Variants in RBM27 observed in about 807,000 individuals in gnomAD.
The protein encoded by RBM27 is RNA binding motif protein 27.
In RBM27, 22 loss-of-function variants were observed where a neutral mutation model predicts 135.3. That is an observed-to-expected ratio of 0.16 (90% CI 0.12 to 0.23). The LOEUF (loss-of-function observed/expected upper bound fraction) is 0.23, where lower values mean the gene tolerates loss of function less well. Among genes scored for constraint, RBM27 ranks in the 10% least tolerant of loss-of-function variants. The pLI, the probability that RBM27 is intolerant of heterozygous loss-of-function variation, is 1.00. For missense variants in RBM27, 1,009 were observed against 1,281.0 expected (o/e 0.79, Z 3.24); for synonymous variants, 481 against 442.4 (o/e 1.09, Z -1.10).
chr5:146,237,393 C>T lies in RBM27; in HGVS notation c.1240C>T (p.Pro414Ser). The T allele has an allele frequency of 1.2e-6, 2 of 1,614,062 alleles. No homozygotes were observed. The highest frequency in any genetic ancestry group is 2.2e-5 in the East Asian group (1 of 44,878). ...NLASVGTRLP[P>S]PLPQNLLYTV... ...TGCATCAGTGGGAACAAGACTACCT[C>T]CTCCTTTACCCCAGAACCTCCTTTA... The change falls in exon 8 of 21, where the codon CCT (proline) becomes TCT (serine). Residue 414 changes from proline (P) to serine (S), a missense_variant. Coordinates refer to ENST00000265271, the MANE Select transcript of RBM27 (RefSeq NM_018989.2).
Position 146,230,661 on chromosome 5 carries a change from C to T in RBM27, c.594C>T (p.His198=), listed in dbSNP as rs1042287783. ...KDRDPNRNVE[H]RERSKFKSER... ...TTTAATTTTGTCTCCAAGTAGAGCA[C>T]AGGGAAAGATCGAAGTTTAAGAGTG... The change falls in exon 6 of 21, where the codon CAC becomes CAT. Residue 198 remains histidine, a synonymous_variant. Transcript: ENST00000265271. 6.2e-7 allele frequency: 1 copy of T among 1,613,880 alleles called. No homozygotes were observed. Among genetic ancestry groups the T allele is most frequent in the Non-Finnish European group, 8.5e-7 (1 of 1,179,844 alleles).
intron 19 of RBM27, among the ~76,000 whole-genome samples, chr5:146,279,904 C>A (rs1391104576): frequency 2.0e-5 from 3 of 151,324 alleles, no homozygotes; most frequent in African/African-American, 7.3e-5. Flanking sequence ...TCTTAGGTAT[C>A]TTTATAGAAA....
Position 146,203,701 on chromosome 5 carries a change from C to T in RBM27, c.-65C>T, listed in dbSNP as rs898984146. The T allele has an allele frequency of 2.3e-5, 33 of 1,426,428 alleles. No homozygotes were observed. Among genetic ancestry groups the T allele is most frequent in the Non-Finnish European group, 4.8e-6 (5 of 1,035,444 alleles). 88.4% of individuals were successfully genotyped at this position (1,426,428 alleles called of 1,614,324 possible). A position where few individuals can be genotyped will look rare whatever the true frequency, so the allele number is the denominator to read the frequency against. On this transcript the variant is annotated 5_prime_UTR_variant, in exon 1 of 21. Transcript: ENST00000265271. ...GAGCTGTGAAGGGAACGTGAGGGGG[C>T]GGCGTAGTGGAGACCCACGGCAGGC... is the stretch of plus-strand genomic sequence containing the variant.
intron 8 of RBM27, among the ~76,000 whole-genome samples, chr5:146,244,860 A>G (rs1757554244): frequency 6.6e-6 from 1 of 151,310 alleles, no homozygotes; most frequent in Non-Finnish European, 1.5e-5. Flanking sequence ...TTTTAAAAAC[A>G]TTTATTTATT....
intron 1 of RBM27, 74 bp from the exon 2 acceptor site, chr5:146,218,911 G>A: frequency 1.1e-6 from 1 of 873,874 alleles, no homozygotes; most frequent in Non-Finnish European, 1.7e-6. Flanking sequence ...CAAAATAAGG[G>A]TGACTTCATT....
At position 146,262,883 on chromosome 5, in the gene RBM27, T is replaced by C. The variant is rs182820812; in HGVS notation, c.2191-608T>C. ...AGACCCCCTAATTCTTTTCTTCTTC[T>C]TTTTTCCTTTTTTTTTTTTTTTGAG... On this transcript the variant is annotated intron_variant, in intron 13 of 20. Transcript: ENST00000265271. Among the ~76,000 whole-genome samples, 72 of 151,612 alleles carry C rather than the reference T, an allele frequency of 4.7e-4. No homozygotes were observed. In the East Asian group the frequency reaches 0.013, roughly 26 times the overall value.
chr5:146,282,475 G>T (rs1344945794), intron 19 of RBM27, among the ~76,000 whole-genome samples: 3 of 152,026 alleles, frequency 2.0e-5, no homozygotes, highest in East Asian at 1.9e-4. Flanking sequence ...ACCTATTTTG[G>T]ATCAAAAATA....
chr5:146,207,626 A>G (rs1026176551), intron 1 of RBM27, among the ~76,000 whole-genome samples: 1 of 150,790 alleles, frequency 6.6e-6, no homozygotes. Context: ...TCTTGTCCCT[A>G]GTGAAACATA....
At position 146,286,082 on chromosome 5, in the gene RBM27, TTTAAAAA is replaced by T. The variant is rs1460778491; in HGVS notation, c.*56_*62del. ...AGGAATATTGTTTAGAAGAACAACT[TTTAAAAA>T]TTATTTAAAAGAAGTCAATGAGCCA... is the stretch of plus-strand genomic sequence containing the variant. On this transcript the variant is annotated 3_prime_UTR_variant, in exon 21 of 21. Transcript: ENST00000265271. The T allele has an allele frequency of 6.6e-7, 1 of 1,504,836 alleles. No individual in the cohort carries two copies. The highest frequency in any genetic ancestry group is 9.0e-7 in the Non-Finnish European group (1 of 1,113,944). 93.2% of individuals were successfully genotyped at this position (1,504,836 alleles called of 1,614,324 possible). A position where few individuals can be genotyped will look rare whatever the true frequency, so the allele number is the denominator to read the frequency against.
Position 146,255,095 on chromosome 5 carries a change from G to A in RBM27, c.1594+3G>A. On this transcript the variant is annotated splice_donor_region_variant and intron_variant, in intron 10 of 20. Coordinates refer to ENST00000265271, the MANE Select transcript of RBM27 (RefSeq NM_018989.2). The stretch of plus-strand genomic sequence containing the variant: ...AGATATGGATGTAAATCCAAGAGGT[G>A]AGAATACCTTGAACTTTTTCTGATG... 1 of 1,608,600 alleles carries A rather than the reference G, an allele frequency of 6.2e-7. No individual in the cohort carries two copies. The highest frequency in any genetic ancestry group is 2.2e-5 in the East Asian group (1 of 44,764).
At chr5:146,225,456 A>C (rs1477605840) in intron 3 of RBM27, among the ~76,000 whole-genome samples, 15 of 152,120 alleles carry the variant, frequency 9.9e-5, no homozygotes, top group Admixed American at 9.8e-4. Flanking sequence ...TTTTCTTTTT[A>C]TATCATGCCC....
Position 146,271,002 on chromosome 5 carries a change from T to C in RBM27, c.2740T>C (p.Ser914Pro). 6.2e-7 allele frequency: 1 copy of C among 1,613,748 alleles called. No homozygotes were observed. Among genetic ancestry groups the C allele is most frequent in the Non-Finnish European group, 8.5e-7 (1 of 1,179,754 alleles). The change falls in exon 18 of 21, where the codon TCC becomes CCC. Residue 914 changes from serine to proline, a missense_variant. By Grantham distance (74) the Ser-to-Pro change is moderately conservative. This residue lies in a region of RBM27 where 355 missense variants were observed against 427.3 expected (regional missense o/e 0.83). Transcript: ENST00000265271. ...DTELDLHKRLSSGEDTTELRK... is the reference protein window; with the variant it reads ...DTELDLHKRLPSGEDTTELRK... Reference sequence around the variant, plus strand: ...TGAACTGGACCTCCACAAGAGGCTGTCCTCAGGAGAAGACACCACAGAATT... The same window carrying C: ...TGAACTGGACCTCCACAAGAGGCTGCCCTCAGGAGAAGACACCACAGAATT...
At chr5:146,246,313 A>T (rs72806116) in intron 8 of RBM27, among the ~76,000 whole-genome samples, 4 of 152,174 alleles carry the variant, frequency 2.6e-5, no homozygotes, top group African/African-American at 7.2e-5. Flanking sequence ...GGTTGAATAA[A>T]GACTGTCTTT....
At chr5:146,229,133 C>T (rs942218248) in intron 4 of RBM27, 96 bp downstream of exon 4, 2 of 837,662 alleles carry the variant, frequency 2.4e-6, no homozygotes, top group Non-Finnish European at 1.9e-6. Context: ...ATACTTACTC[C>T]TCTCTCTGTA....
chr5:146,236,918 C>T (rs946680471), intron 7 of RBM27, among the ~76,000 whole-genome samples: 2 of 141,676 alleles, frequency 1.4e-5, no homozygotes, highest in African/African-American at 5.2e-5. Flanking sequence ...CCGTGCCCGG[C>T]CTATGATGGT....
At chr5:146,260,661 A>G in intron 11 of RBM27, 84 bp from the exon 12 acceptor site, 5 of 1,246,310 alleles carry the variant, frequency 4.0e-6, no homozygotes, top group Non-Finnish European at 5.4e-6. Context: ...TAAAAAAATT[A>G]TAAACCTAAA....
intron 6 of RBM27, 73 bp downstream of exon 6, chr5:146,230,990 CT>C: frequency 1.4e-6 from 2 of 1,452,522 alleles, no homozygotes; most frequent in South Asian, 1.3e-5. Flanking sequence ...TATTGCATAT[CT>C]TTTAGTTATA....
chr5:146,251,153 A>G (rs1303717359), intron 8 of RBM27, among the ~76,000 whole-genome samples: 1 of 151,558 alleles, frequency 6.6e-6, no homozygotes, highest in Admixed American at 6.6e-5. Flanking sequence ...ACTATCTTTA[A>G]TTTTTTTCTT....
chr5:146,261,891 A>C, intron 13 of RBM27, 85 bp downstream of exon 13: 1 of 1,348,038 alleles, frequency 7.4e-7, no homozygotes, highest in South Asian at 1.3e-5. Context: ...TGGGTCTTCT[A>C]CAGAAGAGCT....
Sources: allele counts gnomAD v4.1 joint callset (sites outside exome capture counted in the v4.1 genomes callset), GRCh38; gene constraint gnomAD v4.1.1; regional missense constraint gnomAD v4.1.1; transcripts MANE v1.5; gene names NCBI Gene and HGNC (gene_info 2026-07-23, HGNC 2026-07-21).